Variants in AGBL1 observed in about 807,000 individuals in gnomAD.
AGBL1 encodes cytosolic carboxypeptidase 4.
A neutral mutation model predicts 118.9 loss-of-function variants in AGBL1; 130 were observed. The ratio of observed to expected loss-of-function variants is 1.09; its 90% confidence interval spans 0.95 to 1.26. The LOEUF (loss-of-function observed/expected upper bound fraction) is 1.26, where lower values mean the gene tolerates loss of function less well. Ranked by LOEUF, AGBL1 falls within the 50% of genes most tolerant of loss-of-function variation. The pLI is 0.00. For missense variants in AGBL1, 1,584 were observed against 1,298.1 expected, an observed-to-expected ratio of 1.22 and a Z score of -3.38; for synonymous variants, 555 against 478.9, an observed-to-expected ratio of 1.16 and a Z score of -2.08.
intron 17 of AGBL1, among the ~76,000 whole-genome samples, chr15:86,337,700 C>T (rs373243159): frequency 5.3e-5 from 8 of 151,912 alleles, no homozygotes; most frequent in East Asian, 3.9e-4. Context: ...TTACTGGGGC[C>T]TGTCGAGGGA....
chr15:86,770,357 G>GT (rs1054012763), intron 22 of AGBL1, among the ~76,000 whole-genome samples: 6 of 151,958 alleles, frequency 3.9e-5, no homozygotes, highest in African/African-American at 9.6e-5. Flanking sequence ...TCTGGACACG[G>GT]TTTTTTTATC....
chr15:86,212,589 C>A (rs1478578880), intron 5 of AGBL1, among the ~76,000 whole-genome samples: 1 of 152,186 alleles, frequency 6.6e-6, no homozygotes, highest in Admixed American at 6.5e-5. Flanking sequence ...GAGATTATAG[C>A]CCATGTTGAA....
At chr15:86,302,629 A>G (rs1410417782) in intron 17 of AGBL1, among the ~76,000 whole-genome samples, 1 of 151,962 alleles carries the variant, frequency 6.6e-6, no homozygotes, top group Non-Finnish European at 1.5e-5. Context: ...ATACAAAAAA[A>G]TGAGCCGAAT....
intron 19 of AGBL1, among the ~76,000 whole-genome samples, chr15:86,524,746 G>T (rs191314521): frequency 3.6e-4 from 55 of 152,292 alleles, no homozygotes; most frequent in Middle Eastern, 3.4e-3. Flanking sequence ...CCAAGAGTGT[G>T]AAGTTTATTT....
intron 18 of AGBL1, among the ~76,000 whole-genome samples, chr15:86,414,429 T>A (rs4461044): frequency 2.6e-5 from 4 of 151,924 alleles, no homozygotes; most frequent in African/African-American, 9.7e-5. Flanking sequence ...GATGTCTAAG[T>A]GTGCTTTAAA....
chr15:86,749,511 C>T (rs552262318), intron 22 of AGBL1, among the ~76,000 whole-genome samples: 28,884 of 151,344 alleles, frequency 0.19, 2,865 homozygotes, highest in East Asian at 0.28. Context: ...TTTCCTTCTC[C>T]TGCCTAATTG....
intron 23 of AGBL1, among the ~76,000 whole-genome samples, chr15:86,928,032 C>T (rs752036245): frequency 2.6e-5 from 4 of 151,932 alleles, no homozygotes; most frequent in Non-Finnish European, 2.9e-5. Flanking sequence ...TAAGGAATGT[C>T]TGAGGAAATA....
intron 18 of AGBL1, among the ~76,000 whole-genome samples, chr15:86,495,141 T>C (rs2082832665): frequency 6.6e-6 from 1 of 151,886 alleles, no homozygotes; most frequent in African/African-American, 2.4e-5. Context: ...TTTCTTTCTC[T>C]CTCTTTCTCT....
At chr15:86,105,792 T>C (rs1468949979) in intron 1 of AGBL1, among the ~76,000 whole-genome samples, 1 of 152,232 alleles carries the variant, frequency 6.6e-6, no homozygotes, top group African/African-American at 2.4e-5. Context: ...ATCACAGTTC[T>C]TTTTGTAACT....
At chr15:86,098,621 G>T (rs1254150460) in intron 1 of AGBL1, among the ~76,000 whole-genome samples, 2 of 152,096 alleles carry the variant, frequency 1.3e-5, no homozygotes. Context: ...TCAGTTGGCT[G>T]CAAATATGTG....
chr15:86,892,171 C>A (rs1472659443), intron 22 of AGBL1, among the ~76,000 whole-genome samples: 1 of 152,118 alleles, frequency 6.6e-6, no homozygotes, highest in African/African-American at 2.4e-5. Flanking sequence ...TGCTTTCATT[C>A]TTTTCCTCAT....
chr15:86,790,772 C>G (rs2078482198), intron 22 of AGBL1, among the ~76,000 whole-genome samples: 1 of 152,054 alleles, frequency 6.6e-6, no homozygotes, highest in African/African-American at 2.4e-5. Flanking sequence ...ACTATACTTT[C>G]AATTTAATTC....
Position 86,158,996 on chromosome 15 carries a change from C to T in AGBL1, c.458C>T (p.Pro153Leu), listed in dbSNP as rs772534565. 1.9e-6 allele frequency: 3 copies of T among 1,613,332 alleles called. No homozygotes were observed. The highest frequency in any genetic ancestry group is 2.5e-6 in the Non-Finnish European group (3 of 1,179,412). The change falls in exon 5 of 23, where the codon CCT (proline) becomes CTT (leucine). Residue 153 changes from proline to leucine, a missense_variant. Coordinates refer to ENST00000614907, the MANE Select transcript of AGBL1 (RefSeq NM_001386094.1). ...AMELLFKVIT[P>L]YTRKRTQAIR... ...GAACTGCTTTTCAAGGTTATTACTC[C>T]TTACACCCGAAAGCGCACCCAAGCA...
intron 22 of AGBL1, among the ~76,000 whole-genome samples, chr15:86,687,991 T>A (rs2086092285): frequency 6.6e-6 from 1 of 152,074 alleles, no homozygotes. Context: ...GATTTTGTCT[T>A]CCCCAAGACC....
intron 22 of AGBL1, among the ~76,000 whole-genome samples, chr15:86,713,518 C>A (rs377701676): frequency 1.1e-4 from 16 of 152,062 alleles, no homozygotes; most frequent in Non-Finnish European, 1.9e-4. Context: ...ATCCCCAGTG[C>A]CCATAGAGCA....
chr15:86,409,120 G>A lies in AGBL1; in HGVS notation c.2555+11574G>A, dbSNP rs74025116. Among the ~76,000 whole-genome samples, 911 of 152,212 alleles carry A rather than the reference G, an allele frequency of 6.0e-3. 5 individuals are homozygous for A. Among genetic ancestry groups the A allele is most frequent in the African/African-American group, 0.021 (874 of 41,528 alleles). On this transcript the variant is annotated intron_variant, in intron 18 of 22. Transcript: ENST00000614907. ...TGCCTGTCAGTAATTCCCAAATCAT[G>A]GTCTGTAGAGAATTTGCAGGGCATC...
intron 22 of AGBL1, among the ~76,000 whole-genome samples, chr15:86,875,205 T>C (rs1027628474): frequency 6.6e-6 from 1 of 152,188 alleles, no homozygotes; most frequent in African/African-American, 2.4e-5. Context: ...AAATCCATCT[T>C]AGGCCCCCCA....
At chr15:86,830,363 A>AT (rs202075570) in intron 22 of AGBL1, among the ~76,000 whole-genome samples, 20 of 151,880 alleles carry the variant, frequency 1.3e-4, no homozygotes, top group Admixed American at 5.9e-4. Context: ...TTTGAACCTT[A>AT]TTTTTTTTAA....
intron 22 of AGBL1, among the ~76,000 whole-genome samples, chr15:86,843,581 G>T (rs2079276714): frequency 6.6e-6 from 1 of 152,056 alleles, no homozygotes; most frequent in Non-Finnish European, 1.5e-5. Context: ...TGCAAACATT[G>T]TCCCCCAGGC....
Sources: gnomAD v4.1 joint callset for allele counts (sites outside exome capture counted in the v4.1 genomes callset) on GRCh38, gnomAD v4.1.1 for gene constraint, MANE v1.5 for transcripts, NCBI Gene and HGNC (gene_info 2026-07-23, HGNC 2026-07-21) for gene names.